Variants in GRID2 observed in about 807,000 individuals in gnomAD.
GRID2 encodes the protein glutamate ionotropic receptor delta type subunit 2.
In GRID2, 33 loss-of-function variants were observed where a neutral mutation model predicts 114.8. That is an observed-to-expected ratio of 0.29 (90% CI 0.22 to 0.38). The LOEUF is 0.38. Among genes scored for constraint, GRID2 ranks in the 10% least tolerant of loss-of-function variants. The pLI is 1.00. For missense variants in GRID2, 1,184 were observed against 1,257.7 expected, an observed-to-expected ratio of 0.94 and a Z score of 0.89; for synonymous variants, 505 against 449.9, an observed-to-expected ratio of 1.12 and a Z score of -1.55.
At chr4:93,765,167 A>T (rs1217750602) in intron 14 of GRID2, among the ~76,000 whole-genome samples, 1 of 152,196 alleles carries the variant, frequency 6.6e-6, no homozygotes, top group Admixed American at 6.5e-5. Context: ...TTGTTAAATC[A>T]TAAAAAGGAG....
chr4:93,000,955 A>G (rs764805332), intron 2 of GRID2, among the ~76,000 whole-genome samples: 1 of 151,654 alleles, frequency 6.6e-6, no homozygotes, highest in Non-Finnish European at 1.5e-5. Context: ...CTAAAATAAA[A>G]TAAAATAATT....
intron 8 of GRID2, among the ~76,000 whole-genome samples, chr4:93,348,459 A>T (rs561076732): frequency 6.6e-6 from 1 of 152,344 alleles, no homozygotes; most frequent in Non-Finnish European, 1.5e-5. Flanking sequence ...TGAATAATTT[A>T]TAGTTAGTGT....
intron 14 of GRID2, among the ~76,000 whole-genome samples, chr4:93,710,200 C>A (rs1728364293): frequency 6.6e-6 from 1 of 152,016 alleles, no homozygotes; most frequent in Non-Finnish European, 1.5e-5. Flanking sequence ...TTGTTTGTAC[C>A]CCTCTTTCCT....
intron 1 of GRID2, among the ~76,000 whole-genome samples, chr4:92,369,417 C>A (rs1211503710): frequency 6.6e-6 from 1 of 152,106 alleles, no homozygotes; most frequent in Non-Finnish European, 1.5e-5. Flanking sequence ...ATACAAACCA[C>A]CTACTCCTTA....
chr4:93,685,904 G>T (rs1726034736), intron 14 of GRID2, among the ~76,000 whole-genome samples: 1 of 151,872 alleles, frequency 6.6e-6, no homozygotes. Context: ...TATGTTCTCA[G>T]CCTCCTTTTC....
intron 13 of GRID2, among the ~76,000 whole-genome samples, chr4:93,552,020 T>C (rs1489162359): frequency 2.5e-5 from 3 of 122,012 alleles, no homozygotes; most frequent in African/African-American, 9.4e-5. Context: ...CCTAATGCTA[T>C]CCCTCCCCCC....
chr4:92,353,793 T>A (rs1314105959), intron 1 of GRID2, among the ~76,000 whole-genome samples: 1 of 152,008 alleles, frequency 6.6e-6, no homozygotes, highest in African/African-American at 2.4e-5. Flanking sequence ...TTGTCATTTC[T>A]CAACATGTGT....
chr4:93,628,497 G>A (rs1742934810), intron 14 of GRID2, among the ~76,000 whole-genome samples: 1 of 152,142 alleles, frequency 6.6e-6, no homozygotes. Flanking sequence ...CCTTGATGGG[G>A]CAAGGGGAAA....
intron 8 of GRID2, among the ~76,000 whole-genome samples, chr4:93,246,070 C>T (rs1211447830): frequency 6.6e-6 from 1 of 152,240 alleles, no homozygotes; most frequent in Admixed American, 6.5e-5. Flanking sequence ...TCCTTTATGG[C>T]TCCAAAATTC....
intron 2 of GRID2, among the ~76,000 whole-genome samples, chr4:93,083,675 A>G (rs1730078042): frequency 2.8e-5 from 4 of 144,966 alleles, no homozygotes; most frequent in African/African-American, 7.8e-5. Flanking sequence ...CAGTCTGGGC[A>G]ACAGAGGGAG....
chr4:93,108,787 C>T (rs923804350), intron 3 of GRID2, among the ~76,000 whole-genome samples: 1 of 151,960 alleles, frequency 6.6e-6, no homozygotes, highest in Non-Finnish European at 1.5e-5. Context: ...TGTGCCACCA[C>T]GCCTGACTAA....
chr4:92,522,882 A>C (rs1724858676), intron 1 of GRID2, among the ~76,000 whole-genome samples: 1 of 152,026 alleles, frequency 6.6e-6, no homozygotes, highest in South Asian at 2.1e-4. Flanking sequence ...AAAACGAGTA[A>C]TTAGATATTC....
intron 14 of GRID2, among the ~76,000 whole-genome samples, chr4:93,740,910 C>T (rs1731308161): frequency 6.7e-6 from 1 of 149,608 alleles, no homozygotes; most frequent in Non-Finnish European, 1.5e-5. Context: ...AGCTTCAGTT[C>T]ATTTTTTCCT....
intron 2 of GRID2, among the ~76,000 whole-genome samples, chr4:92,652,925 TA>T (rs979368567): frequency 7.7e-6 from 1 of 130,370 alleles, no homozygotes; most frequent in Non-Finnish European, 1.7e-5. Flanking sequence ...TAAATACATA[TA>T]AATATATATA....
intron 1 of GRID2, among the ~76,000 whole-genome samples, chr4:92,414,803 A>G (rs1018907005): frequency 6.6e-6 from 1 of 152,106 alleles, no homozygotes; most frequent in African/African-American, 2.4e-5. Flanking sequence ...ATTGTTTATT[A>G]TAGGGTTAGA....
intron 1 of GRID2, among the ~76,000 whole-genome samples, chr4:92,588,803 A>G (rs1430273416): frequency 1.3e-5 from 2 of 151,934 alleles, no homozygotes; most frequent in Non-Finnish European, 2.9e-5. Context: ...ATCCATGCCA[A>G]TATAAAAGAG....
At chr4:93,670,780 A>T (rs1471730060) in intron 14 of GRID2, among the ~76,000 whole-genome samples, 2 of 152,202 alleles carry the variant, frequency 1.3e-5, no homozygotes, top group African/African-American at 4.8e-5. Flanking sequence ...GATTTATTTT[A>T]AAAAAGAACC....
intron 1 of GRID2, among the ~76,000 whole-genome samples, chr4:92,344,364 C>T (rs935143792): frequency 1.4e-4 from 21 of 152,160 alleles, no homozygotes; most frequent in Admixed American, 3.9e-4. Flanking sequence ...AAATTCTTAA[C>T]TAACCACTTT....
At chr4:92,787,192 T>G (rs1270736861) in intron 2 of GRID2, among the ~76,000 whole-genome samples, 1 of 151,902 alleles carries the variant, frequency 6.6e-6, no homozygotes, top group East Asian at 1.9e-4. Context: ...CTAAGTTACT[T>G]TGATAAACAT....
Sources: allele counts gnomAD v4.1 joint callset (sites outside exome capture counted in the v4.1 genomes callset), GRCh38; gene constraint gnomAD v4.1.1; transcripts MANE v1.5; gene names NCBI Gene and HGNC (gene_info 2026-07-23, HGNC 2026-07-21).